Variants in MTG1 observed in about 807,000 individuals in gnomAD.
The protein encoded by MTG1 is mitochondrial ribosome associated GTPase 1.
A neutral mutation model predicts 39.5 loss-of-function variants in MTG1; 30 were observed. The ratio of observed to expected loss-of-function variants is 0.76; its 90% CI spans 0.57 to 1.03. The LOEUF (loss-of-function observed/expected upper bound fraction) is 1.03. Among genes scored for constraint, MTG1 ranks in the 50% least tolerant of loss-of-function variants. The pLI, the probability that MTG1 is intolerant of heterozygous loss-of-function variation, is 0.00. For synonymous variants in MTG1, 217 were observed against 179.0 expected, an observed-to-expected ratio of 1.21 and a Z score of -1.69; for missense variants, 513 against 447.4, an observed-to-expected ratio of 1.15 and a Z score of -1.32.
intron 9 of MTG1, among the ~76,000 whole-genome samples, chr10:133,407,630 A>G (rs2795912): frequency 0.98 from 147,959 of 151,016 alleles, 72,567 homozygotes; most frequent in East Asian, 1. Context: ...GTGCAATGGC[A>G]TGATCTTGGC....
intron 9 of MTG1, among the ~76,000 whole-genome samples, chr10:133,409,936 A>G (rs1287056349): frequency 7.0e-6 from 1 of 143,636 alleles, no homozygotes; most frequent in Non-Finnish European, 1.5e-5. Context: ...TACATGGAAT[A>G]TGTTTTTCCA....
At chr10:133,409,611 G>A (rs1011399960) in intron 9 of MTG1, among the ~76,000 whole-genome samples, 2 of 151,270 alleles carry the variant, frequency 1.3e-5, no homozygotes, top group South Asian at 2.1e-4. Context: ...CCTACGGAGA[G>A]GGGGTGTTGA....
intron 9 of MTG1, among the ~76,000 whole-genome samples, chr10:133,410,867 T>G (rs975533694): frequency 6.6e-6 from 1 of 152,236 alleles, no homozygotes; most frequent in Admixed American, 6.5e-5. Flanking sequence ...GTACTTTAAC[T>G]GCATCTTTCC....
intron 9 of MTG1, among the ~76,000 whole-genome samples, chr10:133,410,371 T>C (rs1850027508): frequency 6.6e-6 from 1 of 152,196 alleles, no homozygotes; most frequent in African/African-American, 2.4e-5. Flanking sequence ...CTATGTCTTT[T>C]AGTTGGAGAA....
chr10:133,413,531 AGCCACCGT>A (rs1850075600), intron 9 of MTG1, among the ~76,000 whole-genome samples: 1 of 152,158 alleles, frequency 6.6e-6, no homozygotes, highest in African/African-American at 2.4e-5. Flanking sequence ...TTCAGATGTG[AGCCACCGT>A]GCCCGGCCCA....
Position 133,399,708 on chromosome 10 carries a change from T to G in MTG1, c.511+89T>G. The G allele has an allele frequency of 2.2e-6, 3 of 1,368,614 alleles. No homozygotes were observed. The South Asian group carries it at 3.7e-5, about 17-fold the overall frequency. 84.8% of individuals were successfully genotyped at this position (1,368,614 alleles called of 1,614,324 possible). A position where few individuals can be genotyped will look rare whatever the true frequency, so the allele number is the denominator to read the frequency against. On this transcript the variant is annotated intron_variant, in intron 6 of 10. Transcript: ENST00000317502. ...GCCACCATCTTTCTTGGAGGGGACG[T>G]GCCCGAGGAGCACTGCCAGTCTTCT...
chr10:133,415,507 G>C (rs569529757), intron 9 of MTG1, among the ~76,000 whole-genome samples: 1 of 152,286 alleles, frequency 6.6e-6, no homozygotes, highest in South Asian at 2.1e-4. Flanking sequence ...CGTGGTGTCT[G>C]ATGAGCCGTC....
intron 9 of MTG1, among the ~76,000 whole-genome samples, chr10:133,406,110 C>A (rs556649773): frequency 6.6e-6 from 1 of 152,118 alleles, no homozygotes; most frequent in South Asian, 2.1e-4. Flanking sequence ...TTTTTTCATA[C>A]ACTTGTTGGC....
chr10:133,401,442 A>T (rs1053559815), intron 6 of MTG1, 87 bp from the exon 7 acceptor site: 2 of 1,134,256 alleles, frequency 1.8e-6, no homozygotes, highest in Non-Finnish European at 2.5e-6. Flanking sequence ...GGCTGGTCAG[A>T]TGTGTTTGTT....
Position 133,407,587 on chromosome 10 carries a change from A to T in MTG1, c.752+4814A>T, listed in dbSNP as rs1324458634. On this transcript the variant is annotated intron_variant, in intron 9 of 10. Coordinates refer to ENST00000317502, the MANE Select transcript of MTG1 (RefSeq NM_138384.4). ...TCTTGATTTCTTTTTTTTTTTTTTGAGATGGAGTTTCGGTCTTGTTGCCCA... is the reference window on the plus strand; with the variant it reads ...TCTTGATTTCTTTTTTTTTTTTTTGTGATGGAGTTTCGGTCTTGTTGCCCA... Among the ~76,000 whole-genome samples, 45 of 133,326 alleles carry T rather than the reference A, an allele frequency of 3.4e-4. No individual in the cohort carries two copies. In the East Asian group the frequency reaches 8.0e-3, roughly 24 times the overall value. 87.5% of individuals were successfully genotyped at this position (133,326 alleles called of 152,430 possible).
intron 3 of MTG1, among the ~76,000 whole-genome samples, chr10:133,396,589 G>A (rs1264783565): frequency 6.6e-6 from 1 of 152,308 alleles, no homozygotes; most frequent in South Asian, 2.1e-4. Context: ...GCAAGAGACC[G>A]AGGACACGAG....
rs746646988 is a variant in MTG1, at chr10:133,402,099, G to C, written c.574-50G>C. 3.1e-6 allele frequency: 5 copies of C among 1,608,490 alleles called. 1 individual carries two copies. In the South Asian group the frequency reaches 5.5e-5, roughly 18 times the overall value. ...CCCAGGCTTCCTGAGTGGCCCACCT[G>C]GGTGGGAGGCTGCCACCGCGGCCTG... On this transcript the variant is annotated intron_variant, in intron 7 of 10. Coordinates refer to ENST00000317502, the MANE Select transcript of MTG1 (RefSeq NM_138384.4). This position sits in a 1 kb window ranked among gnomAD's most constrained non-coding sequence, Gnocchi z 4.7.
chr10:133,406,969 T>G (rs1849978630), intron 9 of MTG1, among the ~76,000 whole-genome samples: 1 of 152,116 alleles, frequency 6.6e-6, no homozygotes, highest in African/African-American at 2.4e-5. Context: ...CCCTTTTGAT[T>G]TGGTTTTGTA....
rs146008888 is a variant in MTG1 at position 133,422,451 on chromosome 10, A to C, written c.*2286A>C. On this transcript the variant is annotated 3_prime_UTR_variant, in exon 11 of 11. Coordinates refer to ENST00000317502, the MANE Select transcript of MTG1 (RefSeq NM_138384.4). ...TGAACCTGAAGTTCAAAGGACTTGG[A>C]AAGCTCTGGAATGTGTTGGTTTTTC... The C allele has an allele frequency of 0.013, 1,944 of 152,376 alleles. 21 individuals carry two copies. Among genetic ancestry groups the C allele is most frequent in the Middle Eastern group, 0.024 (7 of 296 alleles). 9.4% of individuals were successfully genotyped at this position (152,376 alleles called of 1,614,324 possible). A position where few individuals can be genotyped will look rare whatever the true frequency, so the allele number is the denominator to read the frequency against.
rs374599401 is a variant in MTG1, at chr10:133,420,129, C to T, written c.969C>T (p.Val323=). The T allele has an allele frequency of 1.5e-4, 249 of 1,612,866 alleles. 1 individual carries two copies. The highest frequency in any genetic ancestry group is 2.3e-4 in the Admixed American group (14 of 59,932). ...GTTCCGTGATGCTGGACCTCGACGTCCTGCGGGGCCACCCCCCGGCTGAGA... is the reference window on the plus strand; with the variant it reads ...GTTCCGTGATGCTGGACCTCGACGTTCTGCGGGGCCACCCCCCGGCTGAGA... ...LLGSVMLDLD[V]LRGHPPAETL... Residue 323 remains valine, a synonymous_variant, in exon 11 of 11, where the codon GTC becomes GTT. Transcript: ENST00000317502.
intron 9 of MTG1, among the ~76,000 whole-genome samples, chr10:133,410,484 TC>T (rs1244960244): frequency 6.6e-6 from 1 of 152,258 alleles, no homozygotes; most frequent in Non-Finnish European, 1.5e-5. Context: ...TTTACTGTCT[TC>T]CTTCGCATGT....
chr10:133,414,276 T>C (rs1171320629), intron 9 of MTG1, among the ~76,000 whole-genome samples: 1 of 151,294 alleles, frequency 6.6e-6, no homozygotes, highest in Non-Finnish European at 1.5e-5. Flanking sequence ...AGAATTTTTC[T>C]TAGTACAGAA....
intron 3 of MTG1, among the ~76,000 whole-genome samples, chr10:133,397,152 G>A (rs778002986): frequency 6.6e-5 from 10 of 152,238 alleles, no homozygotes; most frequent in Non-Finnish European, 1.3e-4. Context: ...ACCTGGCTCT[G>A]TCTTTTAGAT....
In MTG1 at chr10:133,402,924, G is replaced by C; in HGVS notation, c.752+151G>C. Reference sequence around the variant, plus strand: ...TTAAAGCGTCCAGTTGGACAAGTTCGGGAGTATGGCTATACGTCTGTGAAA... The same window carrying C: ...TTAAAGCGTCCAGTTGGACAAGTTCCGGAGTATGGCTATACGTCTGTGAAA... On this transcript the variant is annotated intron_variant, in intron 9 of 10. Coordinates refer to ENST00000317502, the MANE Select transcript of MTG1 (RefSeq NM_138384.4). The surrounding 1 kb of genome is among the most constrained non-coding windows in gnomAD (Gnocchi z 4.7). The C allele has an allele frequency of 1.6e-6, 1 of 621,422 alleles. No homozygotes were observed. The highest frequency in any genetic ancestry group is 2.9e-5 in the Admixed American group (1 of 34,234). The allele number at this position is 621,422 out of a possible 1,614,324, so 38.5% of individuals were successfully genotyped here.
Sources: gnomAD v4.1 joint callset for allele counts (sites outside exome capture counted in the v4.1 genomes callset) on GRCh38, gnomAD v4.1.1 for gene constraint, Gnocchi (gnomAD v3.1) non-coding constraint, MANE v1.5 for transcripts, NCBI Gene and HGNC (gene_info 2026-07-23, HGNC 2026-07-21) for gene names.